Variants in OSBPL5 observed in about 807,000 individuals in gnomAD.
OSBPL5 encodes oxysterol binding protein like 5, also known as oxysterol-binding protein-related protein 5.
A neutral mutation model predicts 111.2 loss-of-function variants in OSBPL5; 71 were observed. That is an observed-to-expected ratio of 0.64 (90% CI 0.53 to 0.78). The LOEUF (loss-of-function observed/expected upper bound fraction) is 0.78, where lower values mean the gene tolerates loss of function less well. OSBPL5 is among the 30% of genes least tolerant of loss of function. OSBPL5 has a pLI of 0.00. For missense variants in OSBPL5, 1,210 were observed against 1,189.3 expected, an observed-to-expected ratio of 1.02 and a Z score of -0.26; for synonymous variants, 549 against 513.9, an observed-to-expected ratio of 1.07 and a Z score of -0.93.
chr11:3,130,482 T>C lies in OSBPL5; in HGVS notation c.-21-1313A>G, dbSNP rs904212371. Among the ~76,000 whole-genome samples, 10 of 152,204 alleles carry C rather than the reference T, an allele frequency of 6.6e-5. No homozygotes were observed. In the East Asian group the frequency reaches 1.9e-3, roughly 30 times the overall value. Reference sequence around the variant, plus strand: ...GGCTGGGGGCCCAGGGTGTCTGTGGTCCTGGGGGCTTCTGTCCACCACCCC... The same window carrying C: ...GGCTGGGGGCCCAGGGTGTCTGTGGCCCTGGGGGCTTCTGTCCACCACCCC... On this transcript the variant is annotated intron_variant, in intron 1 of 21. Transcript: ENST00000263650. The surrounding 1 kb of genome is among the most constrained non-coding windows in gnomAD (Gnocchi z 4.5).
chr11:3,127,697 C>T (rs1858676236), intron 2 of OSBPL5, among the ~76,000 whole-genome samples: 2 of 152,220 alleles, frequency 1.3e-5, no homozygotes, highest in African/African-American at 2.4e-5. Flanking sequence ...CGCCAGCAAA[C>T]TACTTTCCAT....
chr11:3,144,652 C>A (rs890891091), intron 1 of OSBPL5, among the ~76,000 whole-genome samples: 1 of 152,202 alleles, frequency 6.6e-6, no homozygotes, highest in Non-Finnish European at 1.5e-5. Context: ...TTTGGGGACA[C>A]CCCATGTTAT....
rs114387942 is a variant in OSBPL5, at chr11:3,133,344, C to T, written c.-21-4175G>A. 9.3e-3 allele frequency among the ~76,000 whole-genome samples: 1,417 copies of T among 152,352 alleles called. 10 individuals are homozygous for T. Among genetic ancestry groups the T allele is most frequent in the African/African-American group, 0.015 (625 of 41,586 alleles). Reference sequence around the variant, plus strand: ...GGATGGGTCGACAAGGAAACAGACACGCTGGCTGAGGCAGCAGCGACCTGG... The same window carrying T: ...GGATGGGTCGACAAGGAAACAGACATGCTGGCTGAGGCAGCAGCGACCTGG... On this transcript the variant is annotated intron_variant, in intron 1 of 21. Coordinates refer to ENST00000263650, the MANE Select transcript of OSBPL5 (RefSeq NM_020896.4).
chr11:3,115,213 G>T (rs1047935546), intron 7 of OSBPL5, among the ~76,000 whole-genome samples: 4 of 152,068 alleles, frequency 2.6e-5, no homozygotes, highest in Non-Finnish European at 4.4e-5. Context: ...TTTGGTAAGT[G>T]GCCTAACAGA....
In OSBPL5 at chr11:3,093,605, G is replaced by C; in HGVS notation, c.1868C>G (p.Pro623Arg). The change falls in exon 17 of 22, where the codon CCG becomes CGG. Residue 623 changes from proline to arginine, a missense_variant. Transcript: ENST00000263650. The part of the protein sequence containing the change: ...GSGSSALFWT[P>R]SGEVRRQRLR... ...CCTCTGTCTGCGGACCTCCCCGCTC[G>C]GGGTCCAGAAAAGCGCACTGCTTCC... 6.2e-7 allele frequency: 1 copy of C among 1,612,882 alleles called. No homozygotes were observed. The highest frequency in any genetic ancestry group is 8.5e-7 in the Non-Finnish European group (1 of 1,179,988).
At position 3,122,385 on chromosome 11, in the gene OSBPL5, G is replaced by A. The variant is rs1255657028; in HGVS notation, c.263C>T (p.Ser88Phe). 4 of 1,613,818 alleles carry A rather than the reference G, an allele frequency of 2.5e-6. No homozygotes were observed. Among genetic ancestry groups the A allele is most frequent in the Admixed American group, 1.7e-5 (1 of 60,000 alleles). The change falls in exon 4 of 22, where the codon TCC becomes TTC. Residue 88 changes from serine to phenylalanine, a missense_variant. Coordinates refer to ENST00000263650, the MANE Select transcript of OSBPL5 (RefSeq NM_020896.4). The part of the protein sequence containing the change: ...LCNGSDKECV[S>F]PTARVTKKET... ...CTTCTTGGTGACCCTGGCGGTGGGG[G>A]ACACACATTCCTTGTCTGACCCGTT...
intron 1 of OSBPL5, among the ~76,000 whole-genome samples, chr11:3,151,733 C>T (rs899899369): frequency 1.2e-4 from 19 of 152,364 alleles, no homozygotes; most frequent in Admixed American, 4.6e-4. Context: ...GTCCATGACT[C>T]GGCAGATGCC....
intron 1 of OSBPL5, among the ~76,000 whole-genome samples, chr11:3,155,859 T>A (rs1251610048): frequency 6.6e-6 from 1 of 152,182 alleles, no homozygotes; most frequent in African/African-American, 2.4e-5. Flanking sequence ...CAGCAAGGGG[T>A]TGCTGTGCTG....
At position 3,100,195 on chromosome 11, in the gene OSBPL5, C is replaced by T; in HGVS notation, c.1584G>A (p.Glu528=). ...KATLTFLNRA[E]DYTLTMPYAH... is the part of the protein sequence containing the mutation. Reference sequence around the variant, plus strand: ...CGTAGGGCATGGTAAGGGTGTAATCCTCGGCTCGGTTCAGGAAGGTGAGCG... The same window carrying T: ...CGTAGGGCATGGTAAGGGTGTAATCTTCGGCTCGGTTCAGGAAGGTGAGCG... The change falls in exon 14 of 22, where the codon GAG becomes GAA. Residue 528 remains glutamate (E), a synonymous_variant. Coordinates refer to ENST00000263650, the MANE Select transcript of OSBPL5 (RefSeq NM_020896.4). The T allele has an allele frequency of 6.2e-7, 1 of 1,614,092 alleles. No individual in the cohort carries two copies. The highest frequency in any genetic ancestry group is 8.5e-7 in the Non-Finnish European group (1 of 1,180,026).
At position 3,130,282 on chromosome 11, in the gene OSBPL5, A is replaced by G. The variant is rs1192399641; in HGVS notation, c.-21-1113T>C. Among the ~76,000 whole-genome samples, 1 of 152,210 alleles carries G rather than the reference A, an allele frequency of 6.6e-6. No homozygotes were observed. Among genetic ancestry groups the G allele is most frequent in the Non-Finnish European group, 1.5e-5 (1 of 68,032 alleles). On this transcript the variant is annotated intron_variant, in intron 1 of 21. Coordinates refer to ENST00000263650, the MANE Select transcript of OSBPL5 (RefSeq NM_020896.4). This position sits in a 1 kb window ranked among gnomAD's most constrained non-coding sequence, Gnocchi z 4.5. ...CCCAAGGGCGAGCTCCTTAAAAACT[A>G]CTGGTCAATTTTCCTCCTTTCCCAA... is the stretch of plus-strand genomic sequence containing the variant.
At chr11:3,094,555 G>GGAGCCTGGGAGGTGCA (rs1320529793) in intron 14 of OSBPL5, 115 of 518,162 alleles carry the variant, frequency 2.2e-4, no homozygotes, top group African/African-American at 2.0e-3. Context: ...TGGGAGGTGC[G>GGAGCCTGGGAGGTGCA]GAGCCTGGGA....
chr11:3,122,517 G>A, intron 3 of OSBPL5, 89 bp from the exon 4 acceptor site: 1 of 1,233,000 alleles, frequency 8.1e-7, no homozygotes, highest in Non-Finnish European at 1.1e-6. Context: ...AGGATATGAG[G>A]GCAGAAGTCA....
In OSBPL5 at chr11:3,088,258, G is replaced by A. The variant is rs762319840; in HGVS notation, c.2587C>T (p.Leu863=). ...TGACACGCCAGGAACACGCAGAGCA[G>A]GAACCAGGATCGGGGGCTCTGCAGG... ...GLLQSPRSWF[L]LCVFLACQLF... is the part of the protein sequence containing the mutation. Residue 863 remains leucine (L), a synonymous_variant, in exon 22 of 22, where the codon CTG becomes TTG. Coordinates refer to ENST00000263650, the MANE Select transcript of OSBPL5 (RefSeq NM_020896.4). 6.2e-7 allele frequency: 1 copy of A among 1,607,348 alleles called. No homozygotes were observed. The highest frequency in any genetic ancestry group is 2.2e-5 in the East Asian group (1 of 44,462).
At position 3,126,655 on chromosome 11, in the gene OSBPL5, G is replaced by A; in HGVS notation, c.137-100C>T. 1 of 1,007,268 alleles carries A rather than the reference G, an allele frequency of 9.9e-7. No individual in the cohort carries two copies. The highest frequency in any genetic ancestry group is 1.4e-6 in the Non-Finnish European group (1 of 698,720). The allele number at this position is 1,007,268 out of a possible 1,614,324, so 62.4% of individuals were successfully genotyped here. A position where few individuals can be genotyped will look rare whatever the true frequency, so the allele number is the denominator to read the frequency against. ...AGGCAGGCGAAGCGTGGGTGCGGAT[G>A]ACCTGGGAGGGGCAGGAAGTCAGCC... On this transcript the variant is annotated intron_variant, in intron 2 of 21. Transcript: ENST00000263650. The surrounding 1 kb of genome is among the most constrained non-coding windows in gnomAD (Gnocchi z 6.5).
intron 7 of OSBPL5, among the ~76,000 whole-genome samples, chr11:3,111,212 A>AT (rs1393566217): frequency 7.2e-6 from 1 of 138,974 alleles, no homozygotes; most frequent in Non-Finnish European, 1.5e-5. Context: ...TCTAAAGTTT[A>AT]TTTTGTTTTA....
chr11:3,089,123 A>T (rs1196342657), intron 21 of OSBPL5, among the ~76,000 whole-genome samples: 1 of 152,182 alleles, frequency 6.6e-6, no homozygotes, highest in Admixed American at 6.5e-5. Flanking sequence ...CAGCCTCACC[A>T]GGGAGCACCT....
Position 3,113,734 on chromosome 11 carries a change from G to C in OSBPL5, c.692-5789C>G, listed in dbSNP as rs1001220112. Among the ~76,000 whole-genome samples the C allele has an allele frequency of 2.0e-5, 3 of 152,136 alleles. No homozygotes were observed. Among genetic ancestry groups the C allele is most frequent in the Non-Finnish European group, 4.4e-5 (3 of 68,022 alleles). ...TAAGATTACCATAACTTCTAATCTGGTGGCTTTAGGTAGTCTAGTCCACAG... is the reference window on the plus strand; with the variant it reads ...TAAGATTACCATAACTTCTAATCTGCTGGCTTTAGGTAGTCTAGTCCACAG... On this transcript the variant is annotated intron_variant, in intron 7 of 21. Coordinates refer to ENST00000263650, the MANE Select transcript of OSBPL5 (RefSeq NM_020896.4). The surrounding 1 kb of genome is among the most constrained non-coding windows in gnomAD (Gnocchi z 4.8).
At chr11:3,139,768 T>C (rs116517589) in intron 1 of OSBPL5, among the ~76,000 whole-genome samples, 9,896 of 152,146 alleles carry the variant, frequency 0.065, 1,059 homozygotes, top group African/African-American at 0.22. Flanking sequence ...AAGTGCTGCT[T>C]CCCCCGGCCT....
At position 3,126,996 on chromosome 11, in the gene OSBPL5, G is replaced by A. The variant is rs1858650855; in HGVS notation, c.137-441C>T. ...GGCCCCTGCGTGCTGGGCTCTTGCT[G>A]GGAGGTGGTCAGCCCTGTCTGCCAT... On this transcript the variant is annotated intron_variant, in intron 2 of 21. Transcript: ENST00000263650. The surrounding 1 kb of genome is among the most constrained non-coding windows in gnomAD (Gnocchi z 6.5). Among the ~76,000 whole-genome samples the A allele has an allele frequency of 6.6e-6, 1 of 152,216 alleles. No individual in the cohort carries two copies. The highest frequency in any genetic ancestry group is 1.5e-5 in the Non-Finnish European group (1 of 68,030).
Sources: gnomAD v4.1 joint callset for allele counts (sites outside exome capture counted in the v4.1 genomes callset) on GRCh38, gnomAD v4.1.1 for gene constraint, Gnocchi (gnomAD v3.1) non-coding constraint, MANE v1.5 for transcripts, NCBI Gene and HGNC (gene_info 2026-07-23, HGNC 2026-07-21) for gene names.